Variants in PRKCH observed in about 807,000 individuals in gnomAD.
The protein encoded by PRKCH is protein kinase C eta.
In PRKCH, 28 loss-of-function variants were observed where a neutral mutation model predicts 82.5. The observed-to-expected ratio is 0.34, with a 90% CI of 0.25 to 0.47. PRKCH has a LOEUF of 0.47. Ranked by LOEUF, PRKCH falls within the 20% of genes least tolerant of loss-of-function variation. The pLI, the probability that PRKCH is intolerant of heterozygous loss-of-function variation, is 1.00. For synonymous variants in PRKCH, 322 were observed against 327.4 expected, an observed-to-expected ratio of 0.98 and a Z score of 0.18; for missense variants, 705 against 881.8, an observed-to-expected ratio of 0.80 and a Z score of 2.54.
At chr14:61,358,275 G>T (rs1313045153) in intron 1 of PRKCH, among the ~76,000 whole-genome samples, 2 of 152,166 alleles carry the variant, frequency 1.3e-5, no homozygotes, top group African/African-American at 4.8e-5. Flanking sequence ...CTCAGAATAA[G>T]ACTGGAATAA....
rs1170494847 is a variant in PRKCH at position 61,280,133 on chromosome 14, AGAC to A, written c.-19+92469_-19+92471del. 1 of 1,613,782 alleles carries A rather than the reference AGAC, an allele frequency of 6.2e-7. No individual in the cohort carries two copies. The highest frequency in any genetic ancestry group is 8.5e-7 in the Non-Finnish European group (1 of 1,179,882). ...TCGTCCTGGTCCTGGTAGCGAATGT[AGAC>A]GACCAGCATGACAAAGCCGGTGAGG... On this transcript the variant is annotated intron_variant, in intron 1 of 3. Coordinates refer to the PRKCH transcript ENST00000555185. This position sits in a 1 kb window ranked among gnomAD's most constrained non-coding sequence, Gnocchi z 5.0.
intron 1 of PRKCH, among the ~76,000 whole-genome samples, chr14:61,350,336 G>A (rs1594936455): frequency 6.6e-6 from 1 of 152,124 alleles, no homozygotes; most frequent in African/African-American, 2.4e-5. Flanking sequence ...ACTAGCATGT[G>A]CCCTTGCCCC....
chr14:61,250,498 A>G (rs942889262), intron 1 of PRKCH, among the ~76,000 whole-genome samples: 7 of 152,162 alleles, frequency 4.6e-5, no homozygotes, highest in Non-Finnish European at 7.3e-5. Context: ...AACAGGCTAC[A>G]TGTTGTATGA....
intron 2 of PRKCH, among the ~76,000 whole-genome samples, chr14:61,398,843 A>G (rs2046823197): frequency 6.6e-6 from 1 of 152,244 alleles, no homozygotes; most frequent in African/African-American, 2.4e-5. Context: ...AACCAAAGTA[A>G]CAAGAGAGAG....
chr14:61,249,294 A>G (rs539525183), intron 1 of PRKCH, among the ~76,000 whole-genome samples: 3 of 152,128 alleles, frequency 2.0e-5, no homozygotes, highest in African/African-American at 4.8e-5. Context: ...TCCTCTAACA[A>G]TTATGGCTGG....
chr14:61,440,815 A>C (rs1049492323), intron 2 of PRKCH, among the ~76,000 whole-genome samples: 10 of 152,200 alleles, frequency 6.6e-5, no homozygotes, highest in African/African-American at 2.2e-4. Flanking sequence ...TGGAGGTTGC[A>C]ATGAGCTGAG....
intron 2 of PRKCH, among the ~76,000 whole-genome samples, chr14:61,427,654 A>G (rs1193595367): frequency 6.6e-6 from 1 of 152,024 alleles, no homozygotes; most frequent in Non-Finnish European, 1.5e-5. Context: ...TGGCGTGACA[A>G]TGGCTCATTG....
chr14:61,302,735 G>C (rs2045456813), intron 1 of PRKCH, among the ~76,000 whole-genome samples: 1 of 152,058 alleles, frequency 6.6e-6, no homozygotes, highest in Admixed American at 6.6e-5. Flanking sequence ...TATGTTTAGA[G>C]AGCATATTCT....
rs558396869 is a variant in PRKCH, at chr14:61,442,322, C to A, written c.428-789C>A. On this transcript the variant is annotated intron_variant, in intron 2 of 13. Transcript: ENST00000332981. ...GCACCTATTCCAGGTTAATTTCTAC[C>A]TATTCCAGGTTAACAGAGGTGATCC... Among the ~76,000 whole-genome samples, 16 of 152,290 alleles carry A rather than the reference C, an allele frequency of 1.1e-4. No homozygotes were observed. In the East Asian group the frequency reaches 1.9e-3, roughly 18 times the overall value.
chr14:61,525,238 T>G (rs1309505898), intron 10 of PRKCH: 1 of 152,238 alleles, frequency 6.6e-6, no homozygotes, highest in Non-Finnish European at 1.5e-5. Context: ...TATGAGATAC[T>G]TGGGCTGAGG....
intron 1 of PRKCH, among the ~76,000 whole-genome samples, chr14:61,358,499 C>G (rs757047953): frequency 1.2e-4 from 18 of 152,122 alleles, no homozygotes; most frequent in Non-Finnish European, 8.8e-5. Context: ...TCTCTTGATT[C>G]CCATTACCAC....
chr14:61,192,085 G>A (rs147728663), intron 1 of PRKCH, among the ~76,000 whole-genome samples: 145 of 151,926 alleles, frequency 9.5e-4, no homozygotes, highest in Admixed American at 2.8e-3. Context: ...CCCTAAGTAG[G>A]CAACTCCACC....
rs570525579 is a variant in PRKCH, at chr14:61,235,428, T to G, written c.-19+47760T>G. 2.6e-5 allele frequency among the ~76,000 whole-genome samples: 4 copies of G among 152,342 alleles called. No individual in the cohort carries two copies. In the South Asian group the frequency reaches 8.3e-4, roughly 32 times the overall value. On this transcript the variant is annotated intron_variant, in intron 1 of 3. Transcript: ENST00000555185. The stretch of plus-strand genomic sequence containing the variant: ...ACTGCCATCCACAAACCATAAGCCC[T>G]AGTCTGTGTTTCATTTAGGACTATC...
chr14:61,323,954 G>A (rs2140119283), intron 1 of PRKCH, among the ~76,000 whole-genome samples: 1 of 152,330 alleles, frequency 6.6e-6, no homozygotes, highest in African/African-American at 2.4e-5. Context: ...AGATTGGCCA[G>A]TGGCCATGAG....
At chr14:61,262,616 T>A (rs188435790) in intron 1 of PRKCH, among the ~76,000 whole-genome samples, 2 of 152,176 alleles carry the variant, frequency 1.3e-5, no homozygotes, top group Non-Finnish European at 2.9e-5. Context: ...GAATCATGGT[T>A]ACGTTTGTGA....
intron 1 of PRKCH, 55 bp downstream of exon 1, chr14:61,322,519 GTTT>G: frequency 6.5e-7 from 1 of 1,538,386 alleles, no homozygotes; most frequent in Non-Finnish European, 8.8e-7. Context: ...TTCCCCTTAT[GTTT>G]TTCAAAACTC....
intron 10 of PRKCH, among the ~76,000 whole-genome samples, chr14:61,520,516 T>A (rs992717490): frequency 4.6e-5 from 7 of 152,088 alleles, no homozygotes; most frequent in Non-Finnish European, 8.8e-5. Context: ...ATATAAAAAA[T>A]TATTACTATC....
Position 61,297,833 on chromosome 14 carries a change from G to A in PRKCH, c.-19+110165G>A, listed in dbSNP as rs564068522. Among the ~76,000 whole-genome samples the A allele has an allele frequency of 1.9e-4, 29 of 152,292 alleles. 2 individuals carry two copies. In the South Asian group the frequency reaches 3.5e-3, roughly 18 times the overall value. On this transcript the variant is annotated intron_variant, in intron 1 of 3. Coordinates refer to the PRKCH transcript ENST00000555185. ...CTGGGGGTTGGGGACCCCTGGTCTA[G>A]TGTGTTCTGTCATTTGTAGGTCCTT...
At chr14:61,460,173 A>T (rs182957672) in intron 9 of PRKCH, among the ~76,000 whole-genome samples, 6 of 152,308 alleles carry the variant, frequency 3.9e-5, no homozygotes, top group Admixed American at 3.9e-4. Context: ...ACATAATATT[A>T]ATAGTATATA....
Sources: gnomAD v4.1 joint callset for allele counts (sites outside exome capture counted in the v4.1 genomes callset) on GRCh38, gnomAD v4.1.1 for gene constraint, Gnocchi (gnomAD v3.1) non-coding constraint, MANE v1.5 for transcripts, NCBI Gene and HGNC (gene_info 2026-07-23, HGNC 2026-07-21) for gene names.